The following KIRREL3 variants were observed in gnomAD, a reference collection of about 807,000 sequenced individuals.
KIRREL3 encodes kin of IRRE-like protein 3.
A neutral mutation model predicts 89.7 loss-of-function variants in KIRREL3; 36 were observed. That is an observed-to-expected ratio of 0.40 (90% confidence interval 0.31 to 0.53). The LOEUF is 0.53. Ranked by LOEUF, KIRREL3 falls within the 20% of genes least tolerant of loss-of-function variation. KIRREL3 has a pLI of 0.49. For synonymous variants in KIRREL3, 445 were observed against 441.4 expected (o/e 1.01, Z -0.10); for missense variants, 864 against 1,056.6 (o/e 0.82, Z 2.53).
At chr11:126,632,167 G>A (rs1016361961) in intron 1 of KIRREL3, among the ~76,000 whole-genome samples, 4 of 152,252 alleles carry the variant, frequency 2.6e-5, no homozygotes, top group Non-Finnish European at 5.9e-5. Flanking sequence ...GGTTGATGCT[G>A]CTGGTGTGGT....
chr11:126,482,857 C>T (rs997562609), intron 4 of KIRREL3, among the ~76,000 whole-genome samples: 3 of 152,196 alleles, frequency 2.0e-5, no homozygotes, highest in African/African-American at 7.2e-5. Flanking sequence ...ACATGTGAGC[C>T]CCATGTGGAG....
intron 1 of KIRREL3, among the ~76,000 whole-genome samples, chr11:126,998,452 A>G (rs914585725): frequency 6.6e-6 from 1 of 152,166 alleles, no homozygotes; most frequent in Admixed American, 6.5e-5. Flanking sequence ...TGGACCAGGT[A>G]TCTACCATTT....
chr11:126,589,476 TGA>T (rs1451631793), intron 1 of KIRREL3, among the ~76,000 whole-genome samples: 2 of 152,194 alleles, frequency 1.3e-5, no homozygotes, highest in Non-Finnish European at 2.9e-5. Context: ...CTTGGGAAAC[TGA>T]GAGAGAGCTA....
intron 2 of KIRREL3, among the ~76,000 whole-genome samples, chr11:126,536,302 C>T (rs552318899): frequency 2.0e-5 from 3 of 152,100 alleles, no homozygotes; most frequent in South Asian, 2.1e-4. Context: ...AGGAAGGTGG[C>T]CCAGTATCCT....
At position 126,724,243 on chromosome 11, in the gene KIRREL3, A is replaced by G. The variant is rs1948289732; in HGVS notation, c.56-161331T>C. Among the ~76,000 whole-genome samples, 1 of 152,212 alleles carries G rather than the reference A, an allele frequency of 6.6e-6. No homozygotes were observed. Among genetic ancestry groups the G allele is most frequent in the Non-Finnish European group, 1.5e-5 (1 of 68,028 alleles). ...GCAAGGAGAAGATCACTTTCTGTGT[A>G]AGATTTCTGATTCCTGTCTCCTGCA... On this transcript the variant is annotated intron_variant, in intron 1 of 16. Coordinates refer to ENST00000525144, the MANE Select transcript of KIRREL3 (RefSeq NM_032531.4). This position sits in a 1 kb window ranked among gnomAD's most constrained non-coding sequence, Gnocchi z 4.3.
Position 126,683,998 on chromosome 11 carries a change from C to T in KIRREL3, c.56-121086G>A, listed in dbSNP as rs538202927. Among the ~76,000 whole-genome samples, 1 of 152,190 alleles carries T rather than the reference C, an allele frequency of 6.6e-6. No individual in the cohort carries two copies. Among genetic ancestry groups the T allele is most frequent in the Non-Finnish European group, 1.5e-5 (1 of 68,034 alleles). On this transcript the variant is annotated intron_variant, in intron 1 of 16. Transcript: ENST00000525144. This position sits in a 1 kb window ranked among gnomAD's most constrained non-coding sequence, Gnocchi z 5.2. Reference sequence around the variant, plus strand: ...GGACCCAGGGCCCAGGGTTTGGCTCCGGGTTTTTGGGCAGCTCCGCCTTCA... The same window carrying T: ...GGACCCAGGGCCCAGGGTTTGGCTCTGGGTTTTTGGGCAGCTCCGCCTTCA...
chr11:126,518,484 C>T (rs943381243), intron 4 of KIRREL3, among the ~76,000 whole-genome samples: 3 of 152,340 alleles, frequency 2.0e-5, no homozygotes, highest in Non-Finnish European at 2.9e-5. Context: ...TCGCGTCTTC[C>T]GCAGGTTCTA....
intron 1 of KIRREL3, among the ~76,000 whole-genome samples, chr11:126,721,313 C>A (rs1404570584): frequency 6.6e-6 from 1 of 152,070 alleles, no homozygotes; most frequent in East Asian, 1.9e-4. Context: ...GATGGATCAT[C>A]TGAGGTCGGG....
At position 126,623,340 on chromosome 11, in the gene KIRREL3, G is replaced by A. The variant is rs549631427; in HGVS notation, c.56-60428C>T. Among the ~76,000 whole-genome samples the A allele has an allele frequency of 1.7e-4, 26 of 152,230 alleles. No homozygotes were observed. Among genetic ancestry groups the A allele is most frequent in the African/African-American group, 6.3e-4 (26 of 41,536 alleles). Reference sequence around the variant, plus strand: ...GGTGTATGAGCAGGCCCCTGGGATCGACACATGGATGAAGGGAGCCCTCTG... The same window carrying A: ...GGTGTATGAGCAGGCCCCTGGGATCAACACATGGATGAAGGGAGCCCTCTG... On this transcript the variant is annotated intron_variant, in intron 1 of 16. Transcript: ENST00000525144. This position sits in a 1 kb window ranked among gnomAD's most constrained non-coding sequence, Gnocchi z 4.1.
At chr11:126,675,950 G>T (rs1946169689) in intron 1 of KIRREL3, among the ~76,000 whole-genome samples, 1 of 152,198 alleles carries the variant, frequency 6.6e-6, no homozygotes, top group South Asian at 2.1e-4. Flanking sequence ...CTGAAAGATA[G>T]AAGGAGAGGG....
chr11:126,720,595 A>G (rs992756400), intron 1 of KIRREL3, among the ~76,000 whole-genome samples: 1 of 152,158 alleles, frequency 6.6e-6, no homozygotes. Flanking sequence ...AAATTAGTTC[A>G]CTCCCATGCC....
chr11:126,465,900 G>A (rs1468328661), intron 5 of KIRREL3, among the ~76,000 whole-genome samples: 1 of 152,236 alleles, frequency 6.6e-6, no homozygotes, highest in East Asian at 1.9e-4. Context: ...ACAATTTCCT[G>A]GATGAAACTA....
At chr11:126,803,313 C>T (rs1951099491) in intron 1 of KIRREL3, among the ~76,000 whole-genome samples, 1 of 152,038 alleles carries the variant, frequency 6.6e-6, no homozygotes, top group South Asian at 2.1e-4. Flanking sequence ...TCACCAGGCA[C>T]AGAATTGGAG....
intron 2 of KIRREL3, among the ~76,000 whole-genome samples, chr11:126,536,296 A>T (rs1028112313): frequency 6.6e-6 from 1 of 151,934 alleles, no homozygotes; most frequent in Admixed American, 6.6e-5. Context: ...TCGGATAGGA[A>T]GGTGGCCCAG....
At chr11:126,583,951 C>T (rs1941691438) in intron 1 of KIRREL3, among the ~76,000 whole-genome samples, 1 of 152,176 alleles carries the variant, frequency 6.6e-6, no homozygotes, top group South Asian at 2.1e-4. Context: ...TTAATCAATA[C>T]TATATTATTT....
chr11:126,600,617 C>A (rs1297891825), intron 1 of KIRREL3, among the ~76,000 whole-genome samples: 1 of 152,170 alleles, frequency 6.6e-6, no homozygotes, highest in East Asian at 1.9e-4. Context: ...ATGGGTGGTG[C>A]AAATCCCTTT....
At chr11:126,815,903 C>G (rs575362016) in intron 1 of KIRREL3, among the ~76,000 whole-genome samples, 2 of 152,254 alleles carry the variant, frequency 1.3e-5, no homozygotes, top group African/African-American at 4.8e-5. Flanking sequence ...CTTGTTGACT[C>G]TTAATAAGCA....
chr11:126,968,094 G>A (rs1455601157), intron 1 of KIRREL3, among the ~76,000 whole-genome samples: 1 of 152,186 alleles, frequency 6.6e-6, no homozygotes, highest in Non-Finnish European at 1.5e-5. Context: ...AAAGTTAATA[G>A]CTAAATGTAG....
intron 1 of KIRREL3, among the ~76,000 whole-genome samples, chr11:126,717,303 A>G (rs1229087941): frequency 6.6e-6 from 1 of 152,114 alleles, no homozygotes; most frequent in Non-Finnish European, 1.5e-5. Flanking sequence ...CAAGGCTGTC[A>G]TGTTATTTAA....
Sources: allele counts gnomAD v4.1 joint callset (sites outside exome capture counted in the v4.1 genomes callset), GRCh38; gene constraint gnomAD v4.1.1; non-coding constraint Gnocchi (gnomAD v3.1); transcripts MANE v1.5; gene names NCBI Gene and HGNC (gene_info 2026-07-23, HGNC 2026-07-21).